ESRRG: variants seen among roughly 807,000 people sequenced by gnomAD.
The protein encoded by ESRRG is estrogen related receptor gamma.
In ESRRG, 13 loss-of-function variants were observed where a neutral mutation model predicts 44.0. The observed-to-expected ratio is 0.30, with a 90% CI of 0.19 to 0.47. The LOEUF (loss-of-function observed/expected upper bound fraction) is 0.47, where lower values mean the gene tolerates loss of function less well. Among genes scored for constraint, ESRRG ranks in the 20% least tolerant of loss-of-function variants. The pLI, the probability that ESRRG is intolerant of heterozygous loss-of-function variation, is 1.00. For missense variants in ESRRG, 395 were observed against 580.6 expected, an observed-to-expected ratio of 0.68 and a Z score of 3.29; for synonymous variants, 215 against 214.6, an observed-to-expected ratio of 1.00 and a Z score of -0.02.
At chr1:216,810,426 C>T (rs2094931949) in intron 2 of ESRRG, among the ~76,000 whole-genome samples, 1 of 151,766 alleles carries the variant, frequency 6.6e-6, no homozygotes, top group Non-Finnish European at 1.5e-5. Context: ...CAGAAAGTAT[C>T]CAGCTGGGAA....
chr1:216,698,700 G>A (rs2151837973), intron 1 of ESRRG, among the ~76,000 whole-genome samples: 1 of 152,096 alleles, frequency 6.6e-6, no homozygotes, highest in East Asian at 1.9e-4. Context: ...GGTTTCGATA[G>A]TAAGAAATAA....
At chr1:217,016,178 T>G (rs1005509401) in intron 1 of ESRRG, among the ~76,000 whole-genome samples, 4 of 152,134 alleles carry the variant, frequency 2.6e-5, no homozygotes, top group Non-Finnish European at 5.9e-5. Context: ...TGTTAAAAAG[T>G]GCTGAGAATA....
At chr1:216,580,869 A>T (rs1051748573) in intron 3 of ESRRG, among the ~76,000 whole-genome samples, 1 of 152,224 alleles carries the variant, frequency 6.6e-6, no homozygotes, top group Non-Finnish European at 1.5e-5. Flanking sequence ...TTTCTGGCAC[A>T]GGTTTTAGCG....
chr1:216,932,532 G>T (rs1441550056), intron 2 of ESRRG, among the ~76,000 whole-genome samples: 1 of 151,240 alleles, frequency 6.6e-6, no homozygotes, highest in Non-Finnish European at 1.5e-5. Context: ...TTTTGGTAGG[G>T]GTGTGTGTGT....
intron 1 of ESRRG, among the ~76,000 whole-genome samples, chr1:217,060,149 C>T (rs148940385): frequency 5.8e-4 from 80 of 138,354 alleles, no homozygotes; most frequent in African/African-American, 1.9e-3. Flanking sequence ...AACATTAATA[C>T]AATATATAAA....
chr1:216,738,218 G>GA (rs992646810), intron 2 of ESRRG, among the ~76,000 whole-genome samples: 2 of 152,052 alleles, frequency 1.3e-5, no homozygotes, highest in African/African-American at 2.4e-5. Flanking sequence ...TAAAAAGAAG[G>GA]AAAAAGGTGA....
intron 1 of ESRRG, among the ~76,000 whole-genome samples, chr1:216,958,542 T>C (rs999895026): frequency 2.6e-5 from 4 of 152,204 alleles, no homozygotes; most frequent in Non-Finnish European, 4.4e-5. Flanking sequence ...TATTTCCATA[T>C]GCTTAGTGAC....
chr1:217,081,666 C>A (rs12131899), intron 1 of ESRRG, among the ~76,000 whole-genome samples: 24,799 of 152,084 alleles, frequency 0.16, 2,325 homozygotes, highest in Admixed American at 0.22. Context: ...GCAGATCCCA[C>A]CTCCAGGCCT....
chr1:216,933,641 T>G (rs1366300253), intron 2 of ESRRG, among the ~76,000 whole-genome samples: 2 of 152,146 alleles, frequency 1.3e-5, no homozygotes, highest in Non-Finnish European at 2.9e-5. Context: ...AATTGGAAAG[T>G]GATTAATTTG....
intron 2 of ESRRG, among the ~76,000 whole-genome samples, chr1:216,784,062 A>G (rs2094033030): frequency 6.6e-6 from 1 of 151,902 alleles, no homozygotes; most frequent in Admixed American, 6.6e-5. Flanking sequence ...AGCAAATTAC[A>G]TTTCATTCAA....
At chr1:216,729,335 C>T (rs1257529255) in intron 2 of ESRRG, among the ~76,000 whole-genome samples, 1 of 152,146 alleles carries the variant, frequency 6.6e-6, no homozygotes, top group African/African-American at 2.4e-5. Context: ...TGTCATCCTA[C>T]AATTAGTGAG....
intron 3 of ESRRG, among the ~76,000 whole-genome samples, chr1:216,629,532 G>T (rs989152919): frequency 6.6e-6 from 1 of 152,148 alleles, no homozygotes; most frequent in African/African-American, 2.4e-5. Context: ...ACTCCCTGGG[G>T]AGAATTTGGC....
intron 2 of ESRRG, among the ~76,000 whole-genome samples, chr1:216,755,087 T>C (rs2092362146): frequency 6.6e-6 from 1 of 152,034 alleles, no homozygotes. Context: ...AGGGGCTGCA[T>C]AGCGGATATT....
intron 2 of ESRRG, among the ~76,000 whole-genome samples, chr1:216,835,664 AGAG>A (rs1486271971): frequency 6.6e-6 from 1 of 152,172 alleles, no homozygotes; most frequent in African/African-American, 2.4e-5. Flanking sequence ...GTGAGAGAGG[AGAG>A]AAGATGCCTA....
chr1:216,686,284 T>C (rs1361744610), intron 1 of ESRRG: 3 of 151,992 alleles, frequency 2.0e-5, no homozygotes, highest in Admixed American at 2.0e-4. Flanking sequence ...TAAATAAACA[T>C]TTCATCAAGC....
intron 1 of ESRRG, among the ~76,000 whole-genome samples, chr1:216,974,284 A>G (rs941863180): frequency 2.6e-5 from 4 of 152,190 alleles, no homozygotes; most frequent in Admixed American, 2.6e-4. Context: ...CATCCCAATT[A>G]CCCTGATTTG....
intron 2 of ESRRG, among the ~76,000 whole-genome samples, chr1:216,901,417 G>T (rs2059056204): frequency 6.6e-6 from 1 of 152,022 alleles, no homozygotes; most frequent in Admixed American, 6.6e-5. Context: ...TCCCAGGCTG[G>T]AGTGCAGTGG....
chr1:216,570,904 A>C (rs1001429668), intron 3 of ESRRG, among the ~76,000 whole-genome samples: 1 of 152,222 alleles, frequency 6.6e-6, no homozygotes, highest in Non-Finnish European at 1.5e-5. Flanking sequence ...GTCCTCATAT[A>C]TTGAACAAAA....
At chr1:217,105,715 T>G (rs2092583952) in intron 1 of ESRRG, among the ~76,000 whole-genome samples, 1 of 152,142 alleles carries the variant, frequency 6.6e-6, no homozygotes, top group Non-Finnish European at 1.5e-5. Flanking sequence ...TAGTTAGATT[T>G]TCTTCCCCCA....
Sources: allele counts gnomAD v4.1 joint callset (sites outside exome capture counted in the v4.1 genomes callset), GRCh38; gene constraint gnomAD v4.1.1; transcripts MANE v1.5; gene names NCBI Gene and HGNC (gene_info 2026-07-23, HGNC 2026-07-21).